CSMD1: variants seen among roughly 807,000 people sequenced by gnomAD.
CSMD1 encodes CUB and sushi domain-containing protein 1.
In CSMD1, 213 loss-of-function variants were observed where a neutral mutation model predicts 417.5. The observed-to-expected ratio is 0.51, with a 90% CI of 0.46 to 0.57. The LOEUF (loss-of-function observed/expected upper bound fraction) is 0.57, where lower values mean the gene tolerates loss of function less well. Ranked by LOEUF, CSMD1 falls within the 20% of genes least tolerant of loss-of-function variation. The probability of loss-of-function intolerance (pLI) is 0.00; values close to 1 mark genes in which losing one functional copy is unlikely to be tolerated. For missense variants in CSMD1, 6,923 were observed against 4,529.7 expected, an observed-to-expected ratio of 1.53 and a Z score of -15.17; for synonymous variants, 2,862 against 1,736.8, an observed-to-expected ratio of 1.65 and a Z score of -16.11.
intron 6 of CSMD1, among the ~76,000 whole-genome samples, chr8:3,746,496 G>C (rs13277512): frequency 0.54 from 82,111 of 151,954 alleles, 22,364 homozygotes; most frequent in African/African-American, 0.59. Flanking sequence ...ATATTTCAGA[G>C]ACACAACTTT....
chr8:3,972,745 A>G (rs1813173731), intron 5 of CSMD1, among the ~76,000 whole-genome samples: 1 of 152,256 alleles, frequency 6.6e-6, no homozygotes, highest in Non-Finnish European at 1.5e-5. Flanking sequence ...AGCACCAGCT[A>G]AAAGCATTAA....
chr8:4,386,824 G>A (rs1473917068), intron 3 of CSMD1, among the ~76,000 whole-genome samples: 2 of 152,212 alleles, frequency 1.3e-5, no homozygotes, highest in African/African-American at 4.8e-5. Context: ...TGGGATTAAT[G>A]TAAAGCGGAA....
intron 21 of CSMD1, among the ~76,000 whole-genome samples, chr8:3,351,861 G>C (rs116859380): frequency 0.024 from 3,558 of 151,352 alleles, 73 homozygotes; most frequent in East Asian, 0.081. Flanking sequence ...AGATTTTAAA[G>C]ACGATTAACA....
intron 6 of CSMD1, among the ~76,000 whole-genome samples, chr8:3,746,589 G>C (rs1340088272): frequency 6.6e-6 from 1 of 151,688 alleles, no homozygotes; most frequent in Non-Finnish European, 1.5e-5. Context: ...AGTCTGCGTG[G>C]GATTTTTATT....
intron 1 of CSMD1, among the ~76,000 whole-genome samples, chr8:4,854,750 C>A (rs926561203): frequency 1.3e-5 from 2 of 152,202 alleles, no homozygotes; most frequent in Admixed American, 1.3e-4. Flanking sequence ...CCACACCTGG[C>A]TCGGAGGGTC....
intron 26 of CSMD1, among the ~76,000 whole-genome samples, chr8:3,276,688 G>A (rs34271950): frequency 0.27 from 41,634 of 151,804 alleles, 5,888 homozygotes; most frequent in African/African-American, 0.34. Flanking sequence ...TTTATTAAAG[G>A]CTTTACTATG....
chr8:3,545,906 G>A (rs1021991096), intron 10 of CSMD1, among the ~76,000 whole-genome samples: 19 of 152,278 alleles, frequency 1.2e-4, no homozygotes, highest in Middle Eastern at 3.4e-3. Flanking sequence ...AAATTATAGT[G>A]AATGCATAGT....
chr8:3,931,838 A>T (rs1467960573), intron 5 of CSMD1, among the ~76,000 whole-genome samples: 1 of 148,142 alleles, frequency 6.8e-6, no homozygotes. Flanking sequence ...GGACTGGGCT[A>T]TCTTTAAGGC....
intron 3 of CSMD1, among the ~76,000 whole-genome samples, chr8:4,335,952 G>C (rs754919241): frequency 1.3e-5 from 2 of 152,098 alleles, no homozygotes; most frequent in Non-Finnish European, 2.9e-5. Context: ...TAAGCACAGG[G>C]AGGCTCTCAC....
intron 50 of CSMD1, among the ~76,000 whole-genome samples, chr8:3,033,112 A>T (rs201334565): frequency 6.6e-6 from 1 of 151,076 alleles, no homozygotes; most frequent in Non-Finnish European, 1.5e-5. Flanking sequence ...TATAAAAAAA[A>T]TTTAAAGATA....
At chr8:4,848,786 C>G (rs1306083301) in intron 1 of CSMD1, among the ~76,000 whole-genome samples, 1 of 152,160 alleles carries the variant, frequency 6.6e-6, no homozygotes, top group South Asian at 2.1e-4. Context: ...TCAGGTGATT[C>G]GGCCGTCTCA....
At chr8:3,448,426 A>AGGAAGAAAGGGAGGGAG (rs532643101) in intron 12 of CSMD1, among the ~76,000 whole-genome samples, 1 of 96,098 alleles carries the variant, frequency 1.0e-5, no homozygotes, top group African/African-American at 4.4e-5. Context: ...AAGGGAAGGA[A>AGGAAGAAAGGGAGGGAG]GAAGGAGCAA....
At chr8:3,155,872 G>C (rs184567743) in intron 39 of CSMD1, among the ~76,000 whole-genome samples, 4,529 of 151,874 alleles carry the variant, frequency 0.03, 109 homozygotes, top group Non-Finnish European at 0.05. Flanking sequence ...AAAGGCTGAA[G>C]TTTTTTGTTT....
chr8:3,418,927 A>C (rs1242330189), intron 12 of CSMD1, among the ~76,000 whole-genome samples: 1 of 152,234 alleles, frequency 6.6e-6, no homozygotes, highest in African/African-American at 2.4e-5. Flanking sequence ...AGAATACATG[A>C]AAGGTATGCA....
At chr8:4,460,280 A>G (rs1441803665) in intron 2 of CSMD1, among the ~76,000 whole-genome samples, 3 of 152,164 alleles carry the variant, frequency 2.0e-5, no homozygotes. Flanking sequence ...TTTAAAAATA[A>G]TATGAACGAA....
chr8:3,457,357 T>G (rs1419481480), intron 12 of CSMD1, among the ~76,000 whole-genome samples: 1 of 152,202 alleles, frequency 6.6e-6, no homozygotes, highest in Non-Finnish European at 1.5e-5. Context: ...GCTGCCTAAC[T>G]TCTTCAGTTT....
intron 5 of CSMD1, among the ~76,000 whole-genome samples, chr8:3,824,326 G>C (rs746239957): frequency 6.6e-5 from 10 of 152,104 alleles, no homozygotes; most frequent in Non-Finnish European, 1.2e-4. Flanking sequence ...GGAATACTGA[G>C]AGGTTGCCAG....
In CSMD1 at chr8:4,165,043, G is replaced by C. The variant is rs113058709; in HGVS notation, c.416-132944C>G. Among the ~76,000 whole-genome samples, 1,341 of 152,236 alleles carry C rather than the reference G, an allele frequency of 8.8e-3. 24 individuals carry two copies. The highest frequency in any genetic ancestry group is 0.03 in the African/African-American group (1,243 of 41,526). ...CCATGACACCTGAGGTTTCTGTATT[G>C]GTAGAGGCTGTGTAGACAGTGAAGT... On this transcript the variant is annotated intron_variant, in intron 3 of 69. Transcript: ENST00000635120.
intron 27 of CSMD1, among the ~76,000 whole-genome samples, chr8:3,224,744 G>A (rs1487118765): frequency 6.6e-6 from 1 of 152,230 alleles, no homozygotes; most frequent in African/African-American, 2.4e-5. Context: ...GTAGCTCAAT[G>A]TGGTTAATAG....
Sources: gnomAD v4.1 joint callset for allele counts (sites outside exome capture counted in the v4.1 genomes callset) on GRCh38, gnomAD v4.1.1 for gene constraint, MANE v1.5 for transcripts, NCBI Gene and HGNC (gene_info 2026-07-23, HGNC 2026-07-21) for gene names.